Variants in XKR6 observed in about 807,000 individuals in gnomAD.
XKR6 encodes the protein XK related 6, also known as XK-related protein 6.
Under a neutral mutation model 56.7 loss-of-function variants are expected in XKR6, and 22 were observed. The observed-to-expected ratio is 0.39, with a 90% CI of 0.28 to 0.55. XKR6 has a LOEUF of 0.55. XKR6 is among the 20% of genes least tolerant of loss of function. The pLI, the probability that XKR6 is intolerant of heterozygous loss-of-function variation, is 0.66. For missense variants in XKR6, 852 were observed against 889.0 expected (o/e 0.96, Z 0.53); for synonymous variants, 524 against 387.8 (o/e 1.35, Z -4.13).
chr8:11,010,831 G>C (rs1040621928), intron 1 of XKR6, among the ~76,000 whole-genome samples: 6 of 150,620 alleles, frequency 4.0e-5, no homozygotes, highest in Admixed American at 3.3e-4. Context: ...GAAGTCACAA[G>C]AGGCAAAGAA....
intron 1 of XKR6, among the ~76,000 whole-genome samples, chr8:11,085,315 G>A (rs1275775013): frequency 2.0e-5 from 3 of 152,172 alleles, no homozygotes; most frequent in Non-Finnish European, 4.4e-5. Flanking sequence ...CAGGGTCCTT[G>A]GAGTGCCTGC....
At chr8:10,946,617 T>C (rs1227091124) in intron 1 of XKR6, among the ~76,000 whole-genome samples, 2 of 151,962 alleles carry the variant, frequency 1.3e-5, no homozygotes, top group Admixed American at 6.6e-5. Context: ...TTTATGACAT[T>C]CCTGAGCACT....
chr8:11,181,615 G>A (rs1157195185), intron 1 of XKR6, among the ~76,000 whole-genome samples: 2 of 152,172 alleles, frequency 1.3e-5, no homozygotes, highest in Non-Finnish European at 2.9e-5. Context: ...TATGTGGAAA[G>A]AGGAATAGAT....
intron 1 of XKR6, among the ~76,000 whole-genome samples, chr8:11,068,560 T>C (rs189056142): frequency 1.3e-5 from 2 of 152,240 alleles, no homozygotes; most frequent in East Asian, 3.9e-4. Context: ...TCCCTGTCTC[T>C]TCTGCAGAAA....
intron 1 of XKR6, among the ~76,000 whole-genome samples, chr8:11,115,726 A>G (rs1799139215): frequency 6.6e-6 from 1 of 152,214 alleles, no homozygotes; most frequent in Admixed American, 6.5e-5. Flanking sequence ...CATTACTGCA[A>G]CGCTAAGCTT....
chr8:11,164,648 A>C (rs926039407), intron 1 of XKR6, among the ~76,000 whole-genome samples: 1 of 152,206 alleles, frequency 6.6e-6, no homozygotes, highest in African/African-American at 2.4e-5. Context: ...AGATACAACT[A>C]AATACACACA....
At chr8:11,135,928 A>G (rs998725130) in intron 1 of XKR6, among the ~76,000 whole-genome samples, 5 of 152,240 alleles carry the variant, frequency 3.3e-5, no homozygotes, top group African/African-American at 7.2e-5. Context: ...AAAAAGGCTG[A>G]TAACATTTTA....
chr8:11,141,284 T>A (rs956212408), intron 1 of XKR6, among the ~76,000 whole-genome samples: 1 of 152,128 alleles, frequency 6.6e-6, no homozygotes, highest in Non-Finnish European at 1.5e-5. Flanking sequence ...AATATGTCCC[T>A]CCAAAATTCC....
intron 1 of XKR6, among the ~76,000 whole-genome samples, chr8:11,162,209 G>C (rs930225577): frequency 6.6e-6 from 1 of 152,232 alleles, no homozygotes; most frequent in South Asian, 2.1e-4. Context: ...TAAAGGTAGA[G>C]AAAGCTGGGA....
intron 1 of XKR6, among the ~76,000 whole-genome samples, chr8:11,186,004 G>A (rs1044416328): frequency 7.2e-5 from 11 of 152,064 alleles, no homozygotes; most frequent in South Asian, 2.1e-4. Context: ...TATATTTTTC[G>A]AGGGGACTGT....
chr8:10,967,469 C>T (rs1013253203), intron 1 of XKR6, among the ~76,000 whole-genome samples: 1 of 152,174 alleles, frequency 6.6e-6, no homozygotes, highest in Non-Finnish European at 1.5e-5. Context: ...TGGGGCTGCC[C>T]GAAGAGGCTG....
At chr8:10,979,265 C>A (rs1238171739) in intron 1 of XKR6, among the ~76,000 whole-genome samples, 2 of 151,934 alleles carry the variant, frequency 1.3e-5, no homozygotes, top group South Asian at 2.1e-4. Flanking sequence ...AAGGGCCCAG[C>A]GAACTCAATA....
intron 1 of XKR6, among the ~76,000 whole-genome samples, chr8:11,160,927 A>AAAG (rs1563184083): frequency 6.6e-6 from 1 of 151,160 alleles, no homozygotes; most frequent in East Asian, 1.9e-4. Flanking sequence ...AAAAAAAAAA[A>AAAG]AAAAGAAAAA....
At chr8:11,163,694 C>T (rs893375028) in intron 1 of XKR6, among the ~76,000 whole-genome samples, 43 of 152,324 alleles carry the variant, frequency 2.8e-4, no homozygotes, top group African/African-American at 9.9e-4. Context: ...ACATTTCTAC[C>T]GCACTGACTT....
At chr8:10,974,097 C>G (rs984851128) in intron 1 of XKR6, among the ~76,000 whole-genome samples, 1 of 152,186 alleles carries the variant, frequency 6.6e-6, no homozygotes, top group Non-Finnish European at 1.5e-5. Flanking sequence ...CCAGTGATCT[C>G]TTGTCATTCT....
At chr8:10,976,927 A>G (rs994572633) in intron 1 of XKR6, among the ~76,000 whole-genome samples, 2 of 148,492 alleles carry the variant, frequency 1.3e-5, no homozygotes, top group African/African-American at 2.4e-5. Context: ...GTGTAGATGC[A>G]GGAGGTGGTC....
intron 1 of XKR6, among the ~76,000 whole-genome samples, chr8:11,154,495 A>G (rs1274590860): frequency 1.3e-5 from 2 of 152,168 alleles, no homozygotes; most frequent in Non-Finnish European, 2.9e-5. Context: ...TTTCCCTTTA[A>G]TAAACCATAA....
chr8:11,020,686 G>A (rs994459361), intron 1 of XKR6, among the ~76,000 whole-genome samples: 1 of 152,172 alleles, frequency 6.6e-6, no homozygotes, highest in African/African-American at 2.4e-5. Context: ...TGGCATTCAT[G>A]GGCTATGGCT....
At chr8:11,074,239 G>A (rs146354216) in intron 1 of XKR6, among the ~76,000 whole-genome samples, 2 of 152,326 alleles carry the variant, frequency 1.3e-5, no homozygotes, top group East Asian at 1.9e-4. Flanking sequence ...CCAGGCCACA[G>A]GGAACTGCAG....
Sources: gnomAD v4.1 joint callset for allele counts (sites outside exome capture counted in the v4.1 genomes callset) on GRCh38, gnomAD v4.1.1 for gene constraint, MANE v1.5 for transcripts, NCBI Gene and HGNC (gene_info 2026-07-23, HGNC 2026-07-21) for gene names.